The following RYR1 variants were observed in gnomAD, a reference collection of about 807,000 sequenced individuals.
RYR1 encodes the protein central core disease of muscle.
RYR1 carries 342 observed loss-of-function variants against 583.5 expected under a neutral mutation model. That is an observed-to-expected ratio of 0.59 (90% confidence interval 0.54 to 0.64). The LOEUF (loss-of-function observed/expected upper bound fraction) is 0.64, where lower values mean the gene tolerates loss of function less well. RYR1 is among the 30% of genes least tolerant of loss of function. The pLI, the probability that RYR1 is intolerant of heterozygous loss-of-function variation, is 0.00. For missense variants in RYR1, 6,032 were observed against 6,917.2 expected, an observed-to-expected ratio of 0.87 and a Z score of 4.54; for synonymous variants, 2,791 against 2,822.5, an observed-to-expected ratio of 0.99 and a Z score of 0.35.
At chr19:38,459,050 T>C in intron 18 of RYR1, 96 bp from the exon 19 acceptor site, 1 of 1,103,094 alleles carries the variant, frequency 9.1e-7, no homozygotes, top group Admixed American at 1.8e-5. Context: ...CAGGATGCAA[T>C]CTCCACAGGA....
chr19:38,527,594 G>A (rs548543818), intron 72 of RYR1, 53 bp from the exon 73 acceptor site: 566 of 1,610,100 alleles, frequency 3.5e-4, no homozygotes, highest in Non-Finnish European at 4.6e-4. Context: ...GACATCCGGC[G>A]GACACTGTGG....
chr19:38,567,823 C>A lies in RYR1; in HGVS notation c.13565C>A (p.Pro4522His), dbSNP rs145167688. The change falls in exon 93 of 106, where the codon CCC becomes CAC. Residue 4522 changes from proline to histidine, a missense_variant. Physicochemically the swap from Pro to His is moderately conservative, Grantham distance 77. This residue lies in a region of RYR1 where 753 missense variants were observed against 759.6 expected (regional missense o/e 0.99). Transcript: ENST00000359596. ...EEVPEPTPEP[P>H]KKQAPPSPPP... ...GTTCCCGAGCCCACACCAGAGCCCCCCAAGAAGCAAGCACCTCCCTCACCC... is the reference window on the plus strand; with the variant it reads ...GTTCCCGAGCCCACACCAGAGCCCCACAAGAAGCAAGCACCTCCCTCACCC... 2 of 1,614,018 alleles carry A rather than the reference C, an allele frequency of 1.2e-6. No individual in the cohort carries two copies. The highest frequency in any genetic ancestry group is 2.7e-5 in the African/African-American group (2 of 74,932).
rs61299111 is a variant in RYR1, at chr19:38,574,293, G to GAA, written c.14129+997_14129+998dup. Among the ~76,000 whole-genome samples the GAA allele has an allele frequency of 7.8e-3, 1,063 of 137,126 alleles. 25 individuals carry two copies. The highest frequency in any genetic ancestry group is 0.055 in the East Asian group (260 of 4,764). The allele number at this position is 137,126 out of a possible 152,430, so 90.0% of individuals were successfully genotyped here. Reference sequence around the variant, plus strand: ...AAAAAAAAGGAAAAGAAAAAGAAAGGAAAAAAAAAAAAGAAAGAAAAGAAA... The same window carrying GAA: ...AAAAAAAAGGAAAAGAAAAAGAAAGGAAAAAAAAAAAAAAGAAAGAAAAGAAA... On this transcript the variant is annotated intron_variant, in intron 96 of 105. Coordinates refer to ENST00000359596, the MANE Select transcript of RYR1 (RefSeq NM_000540.3).
chr19:38,562,762 G>C (rs1266293669), intron 90 of RYR1, among the ~76,000 whole-genome samples: 1 of 152,028 alleles, frequency 6.6e-6, no homozygotes, highest in African/African-American at 2.4e-5. Context: ...CACCTGCCCC[G>C]TGTGCCCACG....
chr19:38,498,432 AG>A (rs1410528562), intron 42 of RYR1, among the ~76,000 whole-genome samples: 5 of 152,162 alleles, frequency 3.3e-5, no homozygotes, highest in African/African-American at 1.2e-4. Flanking sequence ...GCTACAGGAA[AG>A]GGGTCTGGAT....
rs939937679 is a variant in RYR1 at position 38,561,937 on chromosome 19, G to T, written c.12624+483G>T. ...GTACACGCTCGCCTTGGGGGCTCTG[G>T]GGTGCCCTGGCATGCTGACCCACCC... On this transcript the variant is annotated intron_variant, in intron 90 of 105. Transcript: ENST00000359596. This position sits in a 1 kb window ranked among gnomAD's most constrained non-coding sequence, Gnocchi z 4.8. Among the ~76,000 whole-genome samples, 15 of 152,080 alleles carry T rather than the reference G, an allele frequency of 9.9e-5. No homozygotes were observed. Among genetic ancestry groups the T allele is most frequent in the African/African-American group, 3.6e-4 (15 of 41,410 alleles).
intron 67 of RYR1, among the ~76,000 whole-genome samples, chr19:38,520,667 C>T (rs1394346149): frequency 7.3e-6 from 1 of 137,440 alleles, no homozygotes; most frequent in African/African-American, 2.7e-5. Flanking sequence ...TGCACTCCAG[C>T]CTAGGAACAG....
At chr19:38,577,000 C>T (rs1484436434) in intron 97 of RYR1, among the ~76,000 whole-genome samples, 2 of 152,052 alleles carry the variant, frequency 1.3e-5, no homozygotes, top group Non-Finnish European at 2.9e-5. Context: ...ATTCTCCTGC[C>T]TCAGCCTCCC....
intron 47 of RYR1, 151 bp from the exon 48 acceptor site, chr19:38,502,356 T>G: frequency 1.4e-6 from 1 of 718,424 alleles, no homozygotes; most frequent in Non-Finnish European, 2.4e-6. Flanking sequence ...GGTGTGGGCA[T>G]AGGGTGGGAG....
chr19:38,438,658 A>G (rs1972534846), intron 1 of RYR1, among the ~76,000 whole-genome samples: 1 of 115,538 alleles, frequency 8.7e-6, no homozygotes, highest in African/African-American at 3.5e-5. Flanking sequence ...TCGCTCTGTC[A>G]CCCAGGCTCG....
intron 89 of RYR1, among the ~76,000 whole-genome samples, chr19:38,549,695 T>G (rs1309007099): frequency 2.1e-5 from 3 of 141,778 alleles, no homozygotes; most frequent in Non-Finnish European, 4.5e-5. Flanking sequence ...TCCCTTTCCT[T>G]TCCTTTTTTT....
At chr19:38,585,891 T>A (rs1023358389) in intron 102 of RYR1, 47 bp from the exon 103 acceptor site, 1 of 1,613,046 alleles carries the variant, frequency 6.2e-7, no homozygotes, top group South Asian at 1.1e-5. Context: ...GGGGGGAGTC[T>A]GAACCAGGTC....
chr19:38,500,904 T>A lies in RYR1; in HGVS notation c.7528T>A (p.Tyr2510Asn). The stretch of plus-strand genomic sequence containing the variant: ...CATGGTGCTCTTCCTGGACCGTGTG[T>A]ATGGCATCGAGAACCAGGACTTCTT... ...ASMVLFLDRV[Y>N]GIENQDFLLH... The change falls in exon 47 of 106, where the codon TAT becomes AAT. Residue 2510 changes from tyrosine to asparagine, a missense_variant. Tyr to Asn is a moderately radical substitution (Grantham distance 143). Around this residue, in one of 11 missense-constraint regions of RYR1, gnomAD observed 2,627 missense variants for 2,961.3 expected, o/e 0.89. Coordinates refer to ENST00000359596, the MANE Select transcript of RYR1 (RefSeq NM_000540.3). The surrounding 1 kb of genome is among the most constrained non-coding windows in gnomAD (Gnocchi z 5.9). 1 of 1,613,846 alleles carries A rather than the reference T, an allele frequency of 6.2e-7. No individual in the cohort carries two copies. The highest frequency in any genetic ancestry group is 8.5e-7 in the Non-Finnish European group (1 of 1,179,902).
At chr19:38,576,806 A>T (rs766419459) in intron 97 of RYR1, among the ~76,000 whole-genome samples, 1 of 152,146 alleles carries the variant, frequency 6.6e-6, no homozygotes, top group Non-Finnish European at 1.5e-5. Flanking sequence ...TCTCAAAAAA[A>T]GAGAGAAATA....
Position 38,587,500 on chromosome 19 carries a change from C to A in RYR1, c.*80C>A, listed in dbSNP as rs561909203. 5.0e-6 allele frequency: 5 copies of A among 1,006,878 alleles called. No homozygotes were observed. The highest frequency in any genetic ancestry group is 1.6e-5 in the African/African-American group (1 of 63,112). 62.4% of individuals were successfully genotyped at this position (1,006,878 alleles called of 1,614,324 possible). A position where few individuals can be genotyped will look rare whatever the true frequency, so the allele number is the denominator to read the frequency against. On this transcript the variant is annotated 3_prime_UTR_variant, in exon 106 of 106. Transcript: ENST00000359596. ...GCCCCTTAGTCCCCAAGCCCCTCCC[C>A]CTAAGGCAGCTGGGGGAGAGGTGAC... is the stretch of plus-strand genomic sequence containing the variant.
Position 38,448,639 on chromosome 19 carries a change from G to C in RYR1, c.958-10G>C, listed in dbSNP as rs1369013166. Reference sequence around the variant, plus strand: ...CAGAGGAGGCTGACCTGTGTCCCCTGCCCCTGTAGGAGAAGCTGGATGTGG... The same window carrying C: ...CAGAGGAGGCTGACCTGTGTCCCCTCCCCCTGTAGGAGAAGCTGGATGTGG... On this transcript the variant is annotated splice_polypyrimidine_tract_variant and intron_variant, in intron 10 of 105. Coordinates refer to ENST00000359596, the MANE Select transcript of RYR1 (RefSeq NM_000540.3). 1 of 1,613,588 alleles carries C rather than the reference G, an allele frequency of 6.2e-7. No homozygotes were observed. Among genetic ancestry groups the C allele is most frequent in the South Asian group, 1.1e-5 (1 of 91,090 alleles).
Position 38,502,659 on chromosome 19 carries a change from G to A in RYR1, c.7767G>A (p.Leu2589=), listed in dbSNP as rs764751154. 1 of 1,611,998 alleles carries A rather than the reference G, an allele frequency of 6.2e-7. No individual in the cohort carries two copies. The highest frequency in any genetic ancestry group is 8.5e-7 in the Non-Finnish European group (1 of 1,179,890). ...VDSMLHTVYR[L]SRGRSLTKAQ... is the part of the protein sequence containing the mutation. ...CTATGCTGCATACCGTGTACCGCCT[G>A]TCTCGGGGTCGTTCGCTCACCAAGG... The change falls in exon 48 of 106, where the codon CTG becomes CTA. Residue 2589 remains leucine, a synonymous_variant. Transcript: ENST00000359596.
At chr19:38,457,045 CCAA>C (rs1431785202) in intron 16 of RYR1, among the ~76,000 whole-genome samples, 13 of 19,588 alleles carry the variant, frequency 6.6e-4, no homozygotes, top group East Asian at 2.5e-3. Flanking sequence ...GACTCCATCT[CCAA>C]AAAAAAAAAA....
chr19:38,498,953 T>C (rs1451570506), intron 42 of RYR1, among the ~76,000 whole-genome samples, 155 bp from the exon 43 acceptor site: 4 of 152,222 alleles, frequency 2.6e-5, no homozygotes, highest in Non-Finnish European at 4.4e-5. Flanking sequence ...TGCTGTAGTT[T>C]ACAGGCCTCT....
Sources: gnomAD v4.1 joint callset for allele counts (sites outside exome capture counted in the v4.1 genomes callset) on GRCh38, gnomAD v4.1.1 for gene constraint, gnomAD v4.1.1 regional missense constraint, Gnocchi (gnomAD v3.1) non-coding constraint, MANE v1.5 for transcripts, NCBI Gene and HGNC (gene_info 2026-07-23, HGNC 2026-07-21) for gene names.